CCDC85A: variants seen among roughly 807,000 people sequenced by gnomAD.
The protein encoded by CCDC85A is coiled-coil domain containing 85A.
A neutral mutation model predicts 50.2 loss-of-function variants in CCDC85A; 38 were observed. The ratio of observed to expected loss-of-function variants is 0.76; its 90% CI spans 0.58 to 0.99. The LOEUF (loss-of-function observed/expected upper bound fraction) is 0.99. CCDC85A is among the 50% of genes least tolerant of loss of function. The probability of loss-of-function intolerance (pLI) is 0.00; values close to 1 mark genes in which losing one functional copy is unlikely to be tolerated. For missense variants in CCDC85A, 820 were observed against 742.0 expected, an observed-to-expected ratio of 1.11 and a Z score of -1.22; for synonymous variants, 366 against 301.4, an observed-to-expected ratio of 1.21 and a Z score of -2.22.
chr2:56,210,616 C>T (rs768649581), intron 2 of CCDC85A, among the ~76,000 whole-genome samples: 2 of 152,006 alleles, frequency 1.3e-5, no homozygotes, highest in Non-Finnish European at 2.9e-5. Context: ...ACTTTACTCA[C>T]GTATCATATG....
chr2:56,281,918 G>C (rs1671223869), intron 2 of CCDC85A, among the ~76,000 whole-genome samples: 1 of 152,076 alleles, frequency 6.6e-6, no homozygotes, highest in South Asian at 2.1e-4. Context: ...AGATGAAGAA[G>C]AATCCTTAAT....
intron 2 of CCDC85A, among the ~76,000 whole-genome samples, chr2:56,249,320 T>C (rs957669595): frequency 6.6e-6 from 1 of 152,242 alleles, no homozygotes; most frequent in African/African-American, 2.4e-5. Context: ...CTCCCTTTAC[T>C]TTCTGTCTTT....
At chr2:56,307,685 C>A (rs1262920387) in intron 2 of CCDC85A, among the ~76,000 whole-genome samples, 1 of 152,146 alleles carries the variant, frequency 6.6e-6, no homozygotes, top group Non-Finnish European at 1.5e-5. Flanking sequence ...AACTGAGGCT[C>A]AGGGAGATTA....
chr2:56,222,820 G>T (rs558546944), intron 2 of CCDC85A, among the ~76,000 whole-genome samples: 5 of 152,102 alleles, frequency 3.3e-5, no homozygotes, highest in African/African-American at 4.8e-5. Context: ...ACAGTAGGAG[G>T]TTCAGTAATT....
chr2:56,187,928 T>C (rs1018494434), intron 1 of CCDC85A, among the ~76,000 whole-genome samples: 3 of 152,238 alleles, frequency 2.0e-5, no homozygotes, highest in African/African-American at 7.2e-5. Context: ...CTTCATTGCA[T>C]TAATTTCCCT....
intron 3 of CCDC85A, among the ~76,000 whole-genome samples, chr2:56,368,301 T>A (rs924503467): frequency 6.6e-6 from 1 of 152,136 alleles, no homozygotes; most frequent in African/African-American, 2.4e-5. Context: ...GTCTTAGCAT[T>A]TCTAAGCCTA....
chr2:56,279,582 A>C (rs1671114245), intron 2 of CCDC85A, among the ~76,000 whole-genome samples: 1 of 152,158 alleles, frequency 6.6e-6, no homozygotes, highest in South Asian at 2.1e-4. Flanking sequence ...CCTCTGCTCT[A>C]ACCACCCAAG....
chr2:56,236,559 C>G (rs968796605), intron 2 of CCDC85A, among the ~76,000 whole-genome samples: 1 of 152,204 alleles, frequency 6.6e-6, no homozygotes, highest in African/African-American at 2.4e-5. Flanking sequence ...AGACCTCACA[C>G]TTCTTGACCT....
intron 2 of CCDC85A, among the ~76,000 whole-genome samples, chr2:56,300,959 C>A (rs1297666189): frequency 6.6e-6 from 1 of 152,140 alleles, no homozygotes; most frequent in Non-Finnish European, 1.5e-5. Context: ...TCTTAAGTAT[C>A]ATCTAAGTAA....
intron 2 of CCDC85A, among the ~76,000 whole-genome samples, chr2:56,285,506 T>C (rs1479993863): frequency 6.8e-6 from 1 of 146,478 alleles, no homozygotes; most frequent in Non-Finnish European, 1.5e-5. Context: ...AATATTATTA[T>C]AGTATATTAT....
intron 3 of CCDC85A, among the ~76,000 whole-genome samples, chr2:56,362,381 G>A (rs929967047): frequency 6.6e-6 from 1 of 152,004 alleles, no homozygotes; most frequent in Non-Finnish European, 1.5e-5. Flanking sequence ...TCAAACTCAG[G>A]TGAGATATCA....
chr2:56,369,846 C>G (rs1181762620), intron 3 of CCDC85A, among the ~76,000 whole-genome samples: 1 of 151,986 alleles, frequency 6.6e-6, no homozygotes, highest in Non-Finnish European at 1.5e-5. Context: ...TCTGAAAAAC[C>G]CTACACTATT....
intron 5 of CCDC85A, among the ~76,000 whole-genome samples, chr2:56,378,141 TG>T (rs1317930152): frequency 6.6e-6 from 1 of 152,194 alleles, no homozygotes; most frequent in African/African-American, 2.4e-5. Context: ...AAAGAAATTA[TG>T]GCCACTTGAC....
intron 2 of CCDC85A, among the ~76,000 whole-genome samples, chr2:56,220,317 A>G (rs1393965837): frequency 6.6e-6 from 1 of 152,014 alleles, no homozygotes; most frequent in Admixed American, 6.6e-5. Context: ...CAGGTATACT[A>G]CACATGCTGA....
chr2:56,292,105 C>T (rs1017633771), intron 2 of CCDC85A, among the ~76,000 whole-genome samples: 3 of 152,042 alleles, frequency 2.0e-5, no homozygotes, highest in South Asian at 2.1e-4. Flanking sequence ...CTTTTTGAGA[C>T]GGAGTCTTGC....
intron 1 of CCDC85A, among the ~76,000 whole-genome samples, chr2:56,189,295 G>GTATTTTTTTTTTTTTT (rs773078371): frequency 0.099 from 9,762 of 99,042 alleles, 878 homozygotes; most frequent in Non-Finnish European, 0.15. Flanking sequence ...GGTATTTTTG[G>GTATTTTTTTTTTTTTT]TGTTTTTTTT....
intron 2 of CCDC85A, among the ~76,000 whole-genome samples, chr2:56,321,897 A>G (rs982209183): frequency 6.6e-6 from 1 of 152,230 alleles, no homozygotes; most frequent in African/African-American, 2.4e-5. Flanking sequence ...AAACTATACT[A>G]CAAGGCTACA....
chr2:56,287,829 G>T (rs762174428), intron 2 of CCDC85A, among the ~76,000 whole-genome samples: 1 of 152,138 alleles, frequency 6.6e-6, no homozygotes, highest in Non-Finnish European at 1.5e-5. Flanking sequence ...ACAACATTCT[G>T]TGCATATAAA....
chr2:56,312,945 G>A (rs967353433), intron 2 of CCDC85A, among the ~76,000 whole-genome samples: 1 of 152,148 alleles, frequency 6.6e-6, no homozygotes, highest in African/African-American at 2.4e-5. Context: ...GGATAACTAA[G>A]TTTGTAGAGA....
Sources: allele counts gnomAD v4.1 joint callset (sites outside exome capture counted in the v4.1 genomes callset), GRCh38; gene constraint gnomAD v4.1.1; transcripts MANE v1.5; gene names NCBI Gene and HGNC (gene_info 2026-07-23, HGNC 2026-07-21).